CSMD1: variants seen among roughly 807,000 people sequenced by gnomAD.
CSMD1 encodes the protein CUB and sushi domain-containing protein 1.
In CSMD1, 213 loss-of-function variants were observed where a neutral mutation model predicts 417.5. The observed-to-expected ratio is 0.51, with a 90% confidence interval of 0.46 to 0.57. The LOEUF is 0.57. CSMD1 is among the 20% of genes least tolerant of loss of function. CSMD1 has a pLI of 0.00. For synonymous variants in CSMD1, 2,862 were observed against 1,736.8 expected, an observed-to-expected ratio of 1.65 and a Z score of -16.11; for missense variants, 6,923 against 4,529.7, an observed-to-expected ratio of 1.53 and a Z score of -15.17.
intron 8 of CSMD1, among the ~76,000 whole-genome samples, chr8:3,606,846 G>C (rs1360905129): frequency 6.6e-6 from 1 of 151,832 alleles, no homozygotes; most frequent in East Asian, 1.9e-4. Context: ...AAGAAGCTGG[G>C]ACTACAGGCA....
chr8:4,948,841 G>A (rs1207381200), intron 1 of CSMD1, among the ~76,000 whole-genome samples: 2 of 152,008 alleles, frequency 1.3e-5, no homozygotes, highest in Non-Finnish European at 2.9e-5. Flanking sequence ...AGGATTTTTA[G>A]AAAAGGTTAT....
intron 5 of CSMD1, among the ~76,000 whole-genome samples, chr8:3,764,349 T>C (rs889031247): frequency 1.3e-5 from 2 of 152,172 alleles, no homozygotes; most frequent in Non-Finnish European, 1.5e-5. Flanking sequence ...TGCCCCTCTC[T>C]GCTCTAAACC....
chr8:4,594,339 G>C (rs981282312), intron 2 of CSMD1, among the ~76,000 whole-genome samples: 2 of 151,724 alleles, frequency 1.3e-5, no homozygotes, highest in East Asian at 3.9e-4. Flanking sequence ...GAGTAGCTGG[G>C]AATACAGGCG....
rs1790453080 is a variant in CSMD1, at chr8:3,493,606, C to G, written c.1448+17G>C. ...ACTGCATGCATAAGAGAAGAAGAAG[C>G]TCAAGGACATACTCACACGTACAAG... is the stretch of plus-strand genomic sequence containing the variant. On this transcript the variant is annotated intron_variant, in intron 11 of 69. Coordinates refer to ENST00000635120, the MANE Select transcript of CSMD1 (RefSeq NM_033225.6). 1 of 1,590,076 alleles carries G rather than the reference C, an allele frequency of 6.3e-7. No individual in the cohort carries two copies. The highest frequency in any genetic ancestry group is 8.6e-7 in the Non-Finnish European group (1 of 1,165,540).
chr8:3,488,368 A>C (rs1156543684), intron 11 of CSMD1, among the ~76,000 whole-genome samples: 2 of 152,090 alleles, frequency 1.3e-5, no homozygotes, highest in Non-Finnish European at 2.9e-5. Flanking sequence ...TCGGCTTCCC[A>C]AAGTTCCGGG....
intron 18 of CSMD1, among the ~76,000 whole-genome samples, chr8:3,383,706 A>G (rs986706594): frequency 2.0e-5 from 3 of 151,986 alleles, no homozygotes; most frequent in African/African-American, 7.2e-5. Flanking sequence ...CACAACACCT[A>G]TAATTCAGTA....
intron 52 of CSMD1, among the ~76,000 whole-genome samples, chr8:3,014,852 G>C (rs942029975): frequency 6.6e-6 from 1 of 151,944 alleles, no homozygotes; most frequent in African/African-American, 2.4e-5. Context: ...GGAGGTCGAG[G>C]TAGCAGTGAG....
At position 4,266,892 on chromosome 8, in the gene CSMD1, A is replaced by C. The variant is rs1804262443; in HGVS notation, c.415+153061T>G. On this transcript the variant is annotated intron_variant, in intron 3 of 69. Transcript: ENST00000635120. ...ATATTAATTCAACGTGTTAAGATGG[A>C]AGAAGAAACAAACTGATTAATAAAA... 1.9e-5 allele frequency among the ~76,000 whole-genome samples: 2 copies of C among 104,594 alleles called. 1 individual carries two copies. Among genetic ancestry groups the C allele is most frequent in the South Asian group, 7.4e-4 (2 of 2,708 alleles). 68.6% of individuals were successfully genotyped at this position (104,594 alleles called of 152,430 possible).
At chr8:3,043,099 A>T (rs960232281) in intron 50 of CSMD1, among the ~76,000 whole-genome samples, 1 of 151,416 alleles carries the variant, frequency 6.6e-6, no homozygotes, top group Non-Finnish European at 1.5e-5. Flanking sequence ...AACCTACAGT[A>T]CTAGGTCACT....
At chr8:4,692,862 C>A (rs778040183) in intron 1 of CSMD1, among the ~76,000 whole-genome samples, 36 of 152,180 alleles carry the variant, frequency 2.4e-4, no homozygotes, top group Non-Finnish European at 4.3e-4. Flanking sequence ...CTGTGAGGTG[C>A]TAGACAAGAC....
intron 9 of CSMD1, among the ~76,000 whole-genome samples, chr8:3,578,584 C>T (rs568169198): frequency 3.9e-4 from 59 of 152,254 alleles, no homozygotes; most frequent in African/African-American, 1.1e-3. Context: ...GGTCACGAAA[C>T]GATGCCATAA....
intron 2 of CSMD1, among the ~76,000 whole-genome samples, chr8:4,421,061 A>AT (rs1278238817): frequency 3.3e-5 from 5 of 152,178 alleles, no homozygotes; most frequent in Admixed American, 6.5e-5. Flanking sequence ...TCATTTGTTC[A>AT]TTTTTTCCCA....
intron 3 of CSMD1, among the ~76,000 whole-genome samples, chr8:4,160,912 T>C (rs1797120945): frequency 6.6e-6 from 1 of 152,170 alleles, no homozygotes; most frequent in South Asian, 2.1e-4. Context: ...GAACAAGTGG[T>C]TTAATATTAC....
chr8:4,360,487 C>T (rs1801689435), intron 3 of CSMD1, among the ~76,000 whole-genome samples: 1 of 152,104 alleles, frequency 6.6e-6, no homozygotes, highest in African/African-American at 2.4e-5. Flanking sequence ...GCACATACTT[C>T]CTGTTCCTCC....
At chr8:4,197,343 A>C (rs147200710) in intron 3 of CSMD1, among the ~76,000 whole-genome samples, 1 of 152,318 alleles carries the variant, frequency 6.6e-6, no homozygotes, top group Admixed American at 6.5e-5. Flanking sequence ...GGATGCCCAG[A>C]TATTTGGTCA....
chr8:4,853,258 T>A (rs540953395), intron 1 of CSMD1, among the ~76,000 whole-genome samples: 18 of 152,110 alleles, frequency 1.2e-4, no homozygotes, highest in Non-Finnish European at 2.2e-4. Flanking sequence ...GCCCTTCCCA[T>A]GACAGGCCCA....
rs575723026 is a variant in CSMD1 at position 3,205,666 on chromosome 8, G to A, written c.4868-46C>T. Reference sequence around the variant, plus strand: ...GAATTAGTCGCTGTGCAATAATAGCGCAGGTGATAGGTGAGCCAAAGCTGA... The same window carrying A: ...GAATTAGTCGCTGTGCAATAATAGCACAGGTGATAGGTGAGCCAAAGCTGA... On this transcript the variant is annotated intron_variant, in intron 30 of 69. Coordinates refer to ENST00000635120, the MANE Select transcript of CSMD1 (RefSeq NM_033225.6). 2.9e-4 allele frequency: 266 copies of A among 921,026 alleles called. 3 individuals carry two copies. In the South Asian group the frequency reaches 3.8e-3, roughly 13 times the overall value. The allele number at this position is 921,026 out of a possible 1,614,324, so 57.1% of individuals were successfully genotyped here.
intron 5 of CSMD1, among the ~76,000 whole-genome samples, chr8:3,845,524 G>C (rs574219411): frequency 3.8e-4 from 58 of 152,300 alleles, no homozygotes; most frequent in African/African-American, 1.3e-3. Flanking sequence ...CATGAATGGA[G>C]CTTGCAGGAC....
intron 5 of CSMD1, among the ~76,000 whole-genome samples, chr8:3,854,762 A>T (rs540141842): frequency 6.6e-6 from 1 of 151,892 alleles, no homozygotes; most frequent in African/African-American, 2.4e-5. Flanking sequence ...AGAAAAAAAA[A>T]AGATCGATTA....
Sources: gnomAD v4.1 joint callset for allele counts (sites outside exome capture counted in the v4.1 genomes callset) on GRCh38, gnomAD v4.1.1 for gene constraint, MANE v1.5 for transcripts, NCBI Gene and HGNC (gene_info 2026-07-23, HGNC 2026-07-21) for gene names.